The following UBE2E2 variants were observed in gnomAD, a reference collection of about 807,000 sequenced individuals.
The protein encoded by UBE2E2 is ubiquitin-conjugating enzyme E2 E2.
In UBE2E2, 6 loss-of-function variants were observed where a neutral mutation model predicts 24.7. The ratio of observed to expected loss-of-function variants is 0.24; its 90% confidence interval spans 0.13 to 0.48. UBE2E2 has a LOEUF of 0.48. Among genes scored for constraint, UBE2E2 ranks in the 20% least tolerant of loss-of-function variants. The probability of loss-of-function intolerance (pLI) is 0.99; values close to 1 mark genes in which losing one functional copy is unlikely to be tolerated. For missense variants in UBE2E2, 169 were observed against 245.0 expected, an observed-to-expected ratio of 0.69 and a Z score of 2.07; for synonymous variants, 104 against 83.6, an observed-to-expected ratio of 1.24 and a Z score of -1.33.
At chr3:23,318,522 G>A (rs1694645500) in intron 3 of UBE2E2, among the ~76,000 whole-genome samples, 1 of 152,158 alleles carries the variant, frequency 6.6e-6, no homozygotes, top group Non-Finnish European at 1.5e-5. Context: ...AAGAAAAAGA[G>A]GTTTAATGGA....
intron 3 of UBE2E2, among the ~76,000 whole-genome samples, chr3:23,262,703 T>C (rs993099913): frequency 1.3e-5 from 2 of 152,196 alleles, no homozygotes; most frequent in Non-Finnish European, 2.9e-5. Flanking sequence ...TTTCTTCCAT[T>C]CCATAGATTG....
intron 5 of UBE2E2, among the ~76,000 whole-genome samples, chr3:23,549,001 A>G (rs966630785): frequency 2.6e-5 from 4 of 152,206 alleles, no homozygotes; most frequent in African/African-American, 9.6e-5. Context: ...ACTGTGAGTA[A>G]TGTTGTAGTT....
chr3:23,273,277 C>T (rs187669936), intron 3 of UBE2E2, among the ~76,000 whole-genome samples: 4 of 152,254 alleles, frequency 2.6e-5, no homozygotes, highest in African/African-American at 4.8e-5. Flanking sequence ...CAGTGGCTCA[C>T]GCCTGTAATC....
chr3:23,541,293 G>T (rs1390656498), intron 5 of UBE2E2, among the ~76,000 whole-genome samples: 1 of 152,170 alleles, frequency 6.6e-6, no homozygotes, highest in African/African-American at 2.4e-5. Flanking sequence ...TCTAGCCTGG[G>T]CAAGGTGCTA....
chr3:23,406,067 C>T (rs1697350644), intron 3 of UBE2E2, among the ~76,000 whole-genome samples: 1 of 152,190 alleles, frequency 6.6e-6, no homozygotes, highest in African/African-American at 2.4e-5. Flanking sequence ...AAAATTAAAA[C>T]AATAGCCTGA....
At chr3:23,204,426 G>T (rs921620317) in intron 1 of UBE2E2, among the ~76,000 whole-genome samples, 1 of 152,148 alleles carries the variant, frequency 6.6e-6, no homozygotes. Context: ...TTAAAAGTAC[G>T]AAAGGAAGTG....
intron 3 of UBE2E2, among the ~76,000 whole-genome samples, chr3:23,307,766 AAAATT>A (rs2125272825): frequency 6.6e-6 from 1 of 152,326 alleles, no homozygotes; most frequent in Non-Finnish European, 1.5e-5. Context: ...ATAGGGTTTT[AAAATT>A]AAATTATGAA....
intron 3 of UBE2E2, among the ~76,000 whole-genome samples, chr3:23,487,023 G>T (rs947292716): frequency 4.6e-5 from 7 of 152,152 alleles, no homozygotes; most frequent in Admixed American, 3.3e-4. Context: ...TGGTGCCCAG[G>T]CTGTCTATGC....
intron 3 of UBE2E2, among the ~76,000 whole-genome samples, chr3:23,374,957 T>G (rs1696485128): frequency 6.6e-6 from 1 of 152,126 alleles, no homozygotes; most frequent in South Asian, 2.1e-4. Context: ...ATATGAAGAT[T>G]GTATTTTTTA....
chr3:23,285,244 G>A (rs1170195876), intron 3 of UBE2E2, among the ~76,000 whole-genome samples: 1 of 152,112 alleles, frequency 6.6e-6, no homozygotes, highest in African/African-American at 2.4e-5. Context: ...GTATTCCGTT[G>A]TGTATGTGTC....
intron 3 of UBE2E2, among the ~76,000 whole-genome samples, chr3:23,460,797 AC>A (rs1272198180): frequency 1.3e-5 from 2 of 152,194 alleles, no homozygotes; most frequent in African/African-American, 4.8e-5. Flanking sequence ...AGAAGTGTGA[AC>A]AAAATTAAAT....
intron 5 of UBE2E2, among the ~76,000 whole-genome samples, chr3:23,553,071 G>A (rs909726897): frequency 6.8e-6 from 1 of 147,386 alleles, no homozygotes; most frequent in African/African-American, 2.5e-5. Context: ...AAAAGTTGAA[G>A]ATGATTGTAG....
intron 3 of UBE2E2, among the ~76,000 whole-genome samples, chr3:23,446,519 A>G (rs1209354981): frequency 1.3e-5 from 2 of 152,086 alleles, no homozygotes; most frequent in African/African-American, 2.4e-5. Context: ...GAAGGATATT[A>G]TGGTCTCTTT....
intron 3 of UBE2E2, among the ~76,000 whole-genome samples, chr3:23,353,003 G>A (rs1466130568): frequency 2.6e-5 from 4 of 152,204 alleles, no homozygotes; most frequent in South Asian, 2.1e-4. Flanking sequence ...CTAGCAAACC[G>A]AATCCAGCAG....
chr3:23,250,795 A>T (rs1324747760), intron 3 of UBE2E2, among the ~76,000 whole-genome samples: 1 of 152,262 alleles, frequency 6.6e-6, no homozygotes, highest in South Asian at 2.1e-4. Flanking sequence ...TGTCACTTCA[A>T]TTATAGTAAC....
chr3:23,493,615 A>G (rs1354443181), intron 3 of UBE2E2, among the ~76,000 whole-genome samples: 1 of 152,236 alleles, frequency 6.6e-6, no homozygotes, highest in Non-Finnish European at 1.5e-5. Context: ...AACATTACTT[A>G]ATAACCTAAT....
intron 5 of UBE2E2, among the ~76,000 whole-genome samples, chr3:23,557,270 A>T (rs1695813827): frequency 6.6e-6 from 1 of 152,224 alleles, no homozygotes; most frequent in Non-Finnish European, 1.5e-5. Context: ...GGCTCATTGA[A>T]TGCTTTCATA....
intron 3 of UBE2E2, among the ~76,000 whole-genome samples, chr3:23,267,789 T>C: frequency 1.3e-5 from 2 of 148,854 alleles, no homozygotes; most frequent in Non-Finnish European, 1.5e-5. Flanking sequence ...TGATGAACAT[T>C]GATGCAAAAA....
In UBE2E2 at chr3:23,584,726, G is replaced by GT. The variant is rs1158915900; in HGVS notation, c.509-4983dup. Among the ~76,000 whole-genome samples the GT allele has an allele frequency of 1.5e-3, 174 of 113,486 alleles. 2 individuals carry two copies. The highest frequency in any genetic ancestry group is 3.7e-3 in the African/African-American group (100 of 27,338). 74.5% of individuals were successfully genotyped at this position (113,486 alleles called of 152,430 possible). On this transcript the variant is annotated intron_variant, in intron 5 of 5. Transcript: ENST00000396703. The stretch of plus-strand genomic sequence containing the variant: ...ATGCCACCACACCCAGCTGTTTTTT[G>GT]TTTTTTTTTTTTTTTTTTTTTTTTT...
Sources: allele counts gnomAD v4.1 joint callset (sites outside exome capture counted in the v4.1 genomes callset), GRCh38; gene constraint gnomAD v4.1.1; transcripts MANE v1.5; gene names NCBI Gene and HGNC (gene_info 2026-07-23, HGNC 2026-07-21).